Variants in PEX3 observed in about 807,000 individuals in gnomAD.
PEX3 encodes the protein peroxin-3.
A neutral mutation model predicts 55.8 loss-of-function variants in PEX3; 30 were observed. The ratio of observed to expected loss-of-function variants is 0.54; its 90% confidence interval spans 0.40 to 0.73. The LOEUF (loss-of-function observed/expected upper bound fraction) is 0.73. Ranked by LOEUF, PEX3 falls within the 30% of genes least tolerant of loss-of-function variation. PEX3 has a pLI of 0.00. For synonymous variants in PEX3, 135 were observed against 148.4 expected, an observed-to-expected ratio of 0.91 and a Z score of 0.66; for missense variants, 351 against 432.8, an observed-to-expected ratio of 0.81 and a Z score of 1.68.
rs1249259566 is a variant in PEX3 at position 143,451,335 on chromosome 6, C to A, written c.73+220C>A. 2.6e-5 allele frequency among the ~76,000 whole-genome samples: 4 copies of A among 152,180 alleles called. No homozygotes were observed. The highest frequency in any genetic ancestry group is 5.9e-5 in the Non-Finnish European group (4 of 68,024). On this transcript the variant is annotated intron_variant, in intron 1 of 11. Transcript: ENST00000367591. This position sits in a 1 kb window ranked among gnomAD's most constrained non-coding sequence, Gnocchi z 4.1. Reference sequence around the variant, plus strand: ...TTTGCCCTGTCACCGACTCTTAACTCTGTTTCTCACCTATCCTTTTTTCTC... The same window carrying A: ...TTTGCCCTGTCACCGACTCTTAACTATGTTTCTCACCTATCCTTTTTTCTC...
Position 143,483,598 on chromosome 6 carries a change from T to C in PEX3, c.942-1554T>C, listed in dbSNP as rs1182787540. ...CTGGAGAATGCAGCATATACAGATA[T>C]GGCTGTCATCTGAGAACACTGGAAG... On this transcript the variant is annotated intron_variant, in intron 10 of 11. Transcript: ENST00000367591. This position sits in a 1 kb window ranked among gnomAD's most constrained non-coding sequence, Gnocchi z 4.3. Among the ~76,000 whole-genome samples the C allele has an allele frequency of 2.6e-5, 4 of 152,208 alleles. No homozygotes were observed. The highest frequency in any genetic ancestry group is 2.1e-4 in the South Asian group (1 of 4,816).
chr6:143,461,840 C>T (rs891392670), intron 2 of PEX3, among the ~76,000 whole-genome samples: 10 of 152,146 alleles, frequency 6.6e-5, no homozygotes, highest in Admixed American at 2.6e-4. Flanking sequence ...CCTAACTACT[C>T]GGGAATCTGA....
At position 143,482,454 on chromosome 6, in the gene PEX3, T is replaced by A. The variant is rs574619413; in HGVS notation, c.942-2698T>A. Among the ~76,000 whole-genome samples the A allele has an allele frequency of 3.3e-5, 5 of 152,158 alleles. No individual in the cohort carries two copies. The highest frequency in any genetic ancestry group is 7.4e-5 in the Non-Finnish European group (5 of 67,952). ...AGCCTTCCAAAATTAATCTAAAATA[T>A]AATCAAAATATTATCAAAATTCTAT... On this transcript the variant is annotated intron_variant, in intron 10 of 11. Coordinates refer to ENST00000367591, the MANE Select transcript of PEX3 (RefSeq NM_003630.3). This position sits in a 1 kb window ranked among gnomAD's most constrained non-coding sequence, Gnocchi z 5.5.
rs545482337 is a variant in PEX3 at position 143,450,868 on chromosome 6, G to C, written c.-175G>C. The C allele has an allele frequency of 1.0e-4, 81 of 774,770 alleles. No homozygotes were observed. Among genetic ancestry groups the C allele is most frequent in the South Asian group, 6.8e-4 (47 of 69,096 alleles). 48.0% of individuals were successfully genotyped at this position (774,770 alleles called of 1,614,324 possible). On this transcript the variant is annotated 5_prime_UTR_variant, in exon 1 of 12. Coordinates refer to ENST00000367591, the MANE Select transcript of PEX3 (RefSeq NM_003630.3). The stretch of plus-strand genomic sequence containing the variant: ...GCGTAGCTGCTTTGCTGTAGTCCAC[G>C]CCCCCTTGCCGCTCCGGTGACAGTC...
At position 143,475,202 on chromosome 6, in the gene PEX3, C is replaced by T. The variant is rs1780136210; in HGVS notation, c.818+346C>T. 1.3e-5 allele frequency among the ~76,000 whole-genome samples: 2 copies of T among 152,168 alleles called. No individual in the cohort carries two copies. Among genetic ancestry groups the T allele is most frequent in the Admixed American group, 1.3e-4 (2 of 15,278 alleles). On this transcript the variant is annotated intron_variant, in intron 9 of 11. Coordinates refer to ENST00000367591, the MANE Select transcript of PEX3 (RefSeq NM_003630.3). The surrounding 1 kb of genome is among the most constrained non-coding windows in gnomAD (Gnocchi z 4.4). ...TGATCTTTTGCCATATCCAATGAAC[C>T]TGTAATGTTCATCTTACTTGACCTT...
intron 1 of PEX3, among the ~76,000 whole-genome samples, chr6:143,452,945 T>G (rs1779795560): frequency 6.6e-6 from 1 of 152,224 alleles, no homozygotes; most frequent in African/African-American, 2.4e-5. Context: ...CTCTTCCTAT[T>G]TAAGCAGAAT....
rs776070174 is a variant in PEX3 at position 143,459,626 on chromosome 6, G to A, written c.205+410G>A. ...ATCAGTAGAGTCAGGTTTCTTTGAG[G>A]TAACATTTGAGCAGAAACCAAATGT... On this transcript the variant is annotated intron_variant, in intron 2 of 11. Transcript: ENST00000367591. The surrounding 1 kb of genome is among the most constrained non-coding windows in gnomAD (Gnocchi z 4.2). Among the ~76,000 whole-genome samples the A allele has an allele frequency of 7.9e-5, 12 of 152,154 alleles. No homozygotes were observed. The highest frequency in any genetic ancestry group is 1.5e-4 in the Non-Finnish European group (10 of 68,034).
rs9373392 is a variant in PEX3, at chr6:143,462,895, T to G, written c.206-21T>G. 8 of 204,348 alleles carry G rather than the reference T, an allele frequency of 3.9e-5. No homozygotes were observed. Among genetic ancestry groups the G allele is most frequent in the Middle Eastern group, 1.2e-3 (1 of 866 alleles). 12.7% of individuals were successfully genotyped at this position (204,348 alleles called of 1,614,324 possible). On this transcript the variant is annotated intron_variant, in intron 2 of 11. Coordinates refer to ENST00000367591, the MANE Select transcript of PEX3 (RefSeq NM_003630.3). The surrounding 1 kb of genome is among the most constrained non-coding windows in gnomAD (Gnocchi z 4.1). ...GTCATATCACTTGTGACCTTTTTTATTTTTTTTGTTTGTATTACAGTGCTG... is the reference window on the plus strand; with the variant it reads ...GTCATATCACTTGTGACCTTTTTTAGTTTTTTTGTTTGTATTACAGTGCTG...
rs974906065 is a variant in PEX3, at chr6:143,482,121, T to A, written c.941+2923T>A. 6.6e-6 allele frequency among the ~76,000 whole-genome samples: 1 copy of A among 152,142 alleles called. No individual in the cohort carries two copies. The highest frequency in any genetic ancestry group is 2.1e-4 in the South Asian group (1 of 4,832). ...CATTCTATTATTCTATCTAATGGAGTAAGGCTAGGAGAAGACCAATTTTGA... is the reference window on the plus strand; with the variant it reads ...CATTCTATTATTCTATCTAATGGAGAAAGGCTAGGAGAAGACCAATTTTGA... On this transcript the variant is annotated intron_variant, in intron 10 of 11. Transcript: ENST00000367591. This position sits in a 1 kb window ranked among gnomAD's most constrained non-coding sequence, Gnocchi z 5.5.
At position 143,463,030 on chromosome 6, in the gene PEX3, CACT is replaced by C. The variant is rs1354266571; in HGVS notation, c.287+36_287+38del. 1.4e-6 allele frequency: 2 copies of C among 1,438,024 alleles called. No homozygotes were observed. The highest frequency in any genetic ancestry group is 2.0e-6 in the Non-Finnish European group (2 of 1,019,516). The allele number at this position is 1,438,024 out of a possible 1,614,324, so 89.1% of individuals were successfully genotyped here. A position where few individuals can be genotyped will look rare whatever the true frequency, so the allele number is the denominator to read the frequency against. On this transcript the variant is annotated intron_variant, in intron 3 of 11. Transcript: ENST00000367591. This position sits in a 1 kb window ranked among gnomAD's most constrained non-coding sequence, Gnocchi z 5.7. ...CAAGTTACAGCATTTTCTGTTTAAG[CACT>C]ACACTTAAAGTTTATAGAATGAACT...
At position 143,488,034 on chromosome 6, in the gene PEX3, C is replaced by T. The variant is rs1177794633; in HGVS notation, c.1039-1109C>T. ...AATTCTTGGGCCCCTGAAAGTATGTCTGTAAATTCTGGTTTGAGAAACATT... is the reference window on the plus strand; with the variant it reads ...AATTCTTGGGCCCCTGAAAGTATGTTTGTAAATTCTGGTTTGAGAAACATT... On this transcript the variant is annotated intron_variant, in intron 11 of 11. Transcript: ENST00000367591. The surrounding 1 kb of genome is among the most constrained non-coding windows in gnomAD (Gnocchi z 4.9). 1.3e-5 allele frequency among the ~76,000 whole-genome samples: 2 copies of T among 152,090 alleles called. No homozygotes were observed. Among genetic ancestry groups the T allele is most frequent in the Non-Finnish European group, 1.5e-5 (1 of 67,984 alleles).
Position 143,479,009 on chromosome 6 carries a change from A to G in PEX3, c.819-67A>G. The stretch of plus-strand genomic sequence containing the variant: ...GGTGGCTTTCAAAGGTAACCACGTT[A>G]TTACTGAATTTGTTTTCTCTTCCAT... On this transcript the variant is annotated intron_variant, in intron 9 of 11. Coordinates refer to ENST00000367591, the MANE Select transcript of PEX3 (RefSeq NM_003630.3). The surrounding 1 kb of genome is among the most constrained non-coding windows in gnomAD (Gnocchi z 4.6). 1.0e-6 allele frequency: 1 copy of G among 961,162 alleles called. No homozygotes were observed. 59.5% of individuals were successfully genotyped at this position (961,162 alleles called of 1,614,324 possible).
In PEX3 at chr6:143,462,986, G is replaced by A. The variant is rs777880254; in HGVS notation, c.276G>A (p.Leu92=). 9.3e-6 allele frequency: 15 copies of A among 1,612,068 alleles called. No individual in the cohort carries two copies. Among genetic ancestry groups the A allele is most frequent in the Non-Finnish European group, 8.5e-7 (1 of 1,178,246 alleles). Residue 92 remains leucine (L), a synonymous_variant, in exon 3 of 12, where the codon CTG becomes CTA. Coordinates refer to ENST00000367591, the MANE Select transcript of PEX3 (RefSeq NM_003630.3). The surrounding 1 kb of genome is among the most constrained non-coding windows in gnomAD (Gnocchi z 4.1). ...QQLNSESLTA[L]LKNRPSNKLE... is the part of the protein sequence containing the mutation. ...TGAATTCCGAGAGCCTCACAGCTCT[G>A]CTAAAAAACAGGTAAATGCAAGTTA...
At chr6:143,467,309 A>T (rs990421870) in intron 3 of PEX3, among the ~76,000 whole-genome samples, 1 of 152,084 alleles carries the variant, frequency 6.6e-6, no homozygotes, top group South Asian at 2.1e-4. Flanking sequence ...CTAAATTTTG[A>T]CTAATTTAGA....
rs1780038555 is a variant in PEX3, at chr6:143,469,291, A to G, written c.331+1126A>G. ...GGTTGAACTAGTTTACAGTCCCACC[A>G]ACAGTGTAAAAGTGTTCCTATTTCT... On this transcript the variant is annotated intron_variant, in intron 4 of 11. Transcript: ENST00000367591. 1.3e-5 allele frequency among the ~76,000 whole-genome samples: 2 copies of G among 152,226 alleles called. 1 individual carries two copies. The highest frequency in any genetic ancestry group is 4.1e-4 in the South Asian group (2 of 4,834).
rs573705951 is a variant in PEX3 at position 143,475,521 on chromosome 6, T to G, written c.818+665T>G. ...AAAAAAAATTAGCCAGGCATGGTGG[T>G]GCACACCTGTGGTCCCAGTTACTTG... On this transcript the variant is annotated intron_variant, in intron 9 of 11. Transcript: ENST00000367591. This position sits in a 1 kb window ranked among gnomAD's most constrained non-coding sequence, Gnocchi z 4.4. 8.5e-5 allele frequency among the ~76,000 whole-genome samples: 13 copies of G among 152,236 alleles called. No individual in the cohort carries two copies. In the South Asian group the frequency reaches 2.7e-3, roughly 32 times the overall value.
Position 143,468,230 on chromosome 6 carries a change from T to C in PEX3, c.331+65T>C, listed in dbSNP as rs1412337937. 4 of 1,067,772 alleles carry C rather than the reference T, an allele frequency of 3.7e-6. No individual in the cohort carries two copies. The East Asian group carries it at 9.6e-5, about 26-fold the overall frequency. 66.1% of individuals were successfully genotyped at this position (1,067,772 alleles called of 1,614,324 possible). ...TATTTATAAAGGGAAATGTTTGCAT[T>C]CTATTAGGATGACTCTTCTTTACCT... On this transcript the variant is annotated intron_variant, in intron 4 of 11. Coordinates refer to ENST00000367591, the MANE Select transcript of PEX3 (RefSeq NM_003630.3).
At position 143,462,944 on chromosome 6, in the gene PEX3, G is replaced by A. The variant is rs760054177; in HGVS notation, c.234G>A (p.Glu78=). ...TVLSMLPTLR[E]ALMQQLNSES... ...TGTCCATGCTTCCAACACTGAGAGA[G>A]GCCTTAATGCAGCAACTGAATTCCG... Residue 78 remains glutamate (E), a synonymous_variant, in exon 3 of 12, where the codon GAG becomes GAA. Coordinates refer to ENST00000367591, the MANE Select transcript of PEX3 (RefSeq NM_003630.3). The surrounding 1 kb of genome is among the most constrained non-coding windows in gnomAD (Gnocchi z 4.1). 4 of 1,613,554 alleles carry A rather than the reference G, an allele frequency of 2.5e-6. No individual in the cohort carries two copies. The highest frequency in any genetic ancestry group is 2.2e-5 in the East Asian group (1 of 44,870).
Position 143,454,658 on chromosome 6 carries a change from A to G in PEX3, c.73+3543A>G, listed in dbSNP as rs961745760. Among the ~76,000 whole-genome samples the G allele has an allele frequency of 2.0e-5, 3 of 152,244 alleles. No individual in the cohort carries two copies. The highest frequency in any genetic ancestry group is 6.5e-5 in the Admixed American group (1 of 15,288). ...ATGGAAATAAAAGTAGTATGATAGT[A>G]TAGTACAAAAATAGAGCAGGGTGTT... On this transcript the variant is annotated intron_variant, in intron 1 of 11. Transcript: ENST00000367591. This position sits in a 1 kb window ranked among gnomAD's most constrained non-coding sequence, Gnocchi z 4.3.
Sources: gnomAD v4.1 joint callset for allele counts (sites outside exome capture counted in the v4.1 genomes callset) on GRCh38, gnomAD v4.1.1 for gene constraint, Gnocchi (gnomAD v3.1) non-coding constraint, MANE v1.5 for transcripts, NCBI Gene and HGNC (gene_info 2026-07-23, HGNC 2026-07-21) for gene names.